ATP2B2: variants seen among roughly 807,000 people sequenced by gnomAD.
ATP2B2 encodes ATPase plasma membrane Ca2+ transporting 2, also known as plasma membrane calcium-transporting ATPase 2.
Under a neutral mutation model 120.0 loss-of-function variants are expected in ATP2B2, and 15 were observed. That is an observed-to-expected ratio of 0.12 (90% CI 0.08 to 0.19). The LOEUF is 0.19. Ranked by LOEUF, ATP2B2 falls within the 10% of genes least tolerant of loss-of-function variation. ATP2B2 has a pLI of 1.00. For missense variants in ATP2B2, 1,045 were observed against 1,719.8 expected (o/e 0.61, Z 6.94); for synonymous variants, 694 against 700.3 (o/e 0.99, Z 0.14).
chr3:10,423,935 T>G (rs1464949044), intron 2 of ATP2B2, among the ~76,000 whole-genome samples: 1 of 152,146 alleles, frequency 6.6e-6, no homozygotes, highest in Non-Finnish European at 1.5e-5. Context: ...AGAGCCTGGG[T>G]GGAATATCCC....
intron 1 of ATP2B2, among the ~76,000 whole-genome samples, chr3:10,633,759 G>A (rs1458001582): frequency 6.6e-6 from 1 of 152,170 alleles, no homozygotes; most frequent in Non-Finnish European, 1.5e-5. Context: ...GCACCCTTGG[G>A]CACAAGATCC....
At chr3:10,642,121 A>G (rs1260554208) in intron 1 of ATP2B2, among the ~76,000 whole-genome samples, 2 of 152,144 alleles carry the variant, frequency 1.3e-5, no homozygotes, top group African/African-American at 4.8e-5. Context: ...TGGACTCTGG[A>G]GCAAGACTGC....
At chr3:10,697,352 C>T (rs939748404) in intron 1 of ATP2B2, among the ~76,000 whole-genome samples, 1 of 152,166 alleles carries the variant, frequency 6.6e-6, no homozygotes, top group Non-Finnish European at 1.5e-5. Context: ...GACCTCCTGG[C>T]TGTGTGACTT....
chr3:10,469,614 G>A (rs2064897451), intron 1 of ATP2B2, among the ~76,000 whole-genome samples: 1 of 152,202 alleles, frequency 6.6e-6, no homozygotes. Context: ...CAGGAAGAGG[G>A]TGATGGTGAC....
intron 5 of ATP2B2, chr3:10,394,666 C>T: frequency 2.5e-6 from 1 of 406,038 alleles, no homozygotes; most frequent in South Asian, 1.8e-5. Flanking sequence ...TGGCCTTCTG[C>T]TTGGTGGGGT....
At chr3:10,684,216 G>C (rs1183873638) in intron 1 of ATP2B2, among the ~76,000 whole-genome samples, 1 of 152,200 alleles carries the variant, frequency 6.6e-6, no homozygotes, top group Admixed American at 6.5e-5. Flanking sequence ...GCCCCTTTAT[G>C]GGATCTGTTT....
rs1300485698 is a variant in ATP2B2 at position 10,342,986 on chromosome 3, G to T, written c.2704-21C>A. 1.2e-6 allele frequency: 2 copies of T among 1,610,898 alleles called. No homozygotes were observed. Among genetic ancestry groups the T allele is most frequent in the East Asian group, 4.5e-5 (2 of 44,858 alleles). On this transcript the variant is annotated intron_variant, in intron 18 of 22. Transcript: ENST00000360273. This position sits in a 1 kb window ranked among gnomAD's most constrained non-coding sequence, Gnocchi z 4.4. ...GAGTCCTGGGGACGGGCAGGAGAGG[G>T]CTGTCACCTGTGCGCCCACCTGCTG... is the stretch of plus-strand genomic sequence containing the variant.
At chr3:10,454,792 G>A (rs570714022) in intron 1 of ATP2B2, among the ~76,000 whole-genome samples, 31 of 152,272 alleles carry the variant, frequency 2.0e-4, no homozygotes, top group Middle Eastern at 3.4e-3. Context: ...GATGTGCCAT[G>A]TGTCTGTTCA....
chr3:10,536,948 T>G (rs1489970062), intron 2 of ATP2B2, among the ~76,000 whole-genome samples: 1 of 152,232 alleles, frequency 6.6e-6, no homozygotes, highest in East Asian at 1.9e-4. Context: ...ATTTTCATTA[T>G]TTTTTCCTAC....
intron 1 of ATP2B2, chr3:10,626,589 ATGGATGGATGGATGGATGGG>A (rs2069706890): frequency 6.6e-6 from 1 of 151,140 alleles, no homozygotes; most frequent in South Asian, 2.1e-4. Context: ...GGATGGATGG[ATGGATGGATGGATGGATGGG>A]TGGATGGATG....
rs1575357600 is a variant in ATP2B2 at position 10,479,818 on chromosome 3, G to C, written c.-320+25647C>G. Among the ~76,000 whole-genome samples the C allele has an allele frequency of 2.6e-5, 4 of 152,178 alleles. No individual in the cohort carries two copies. The South Asian group carries it at 8.3e-4, about 32-fold the overall frequency. ...TTGAATAAAAAGCCTAATTCTGGCTGGGCTTGGTGGCTCATGCCTGTAATC... is the reference window on the plus strand; with the variant it reads ...TTGAATAAAAAGCCTAATTCTGGCTCGGCTTGGTGGCTCATGCCTGTAATC... On this transcript the variant is annotated intron_variant, in intron 1 of 22. Transcript: ENST00000360273.
At chr3:10,407,519 C>T (rs1402093968) in intron 3 of ATP2B2, among the ~76,000 whole-genome samples, 2 of 152,156 alleles carry the variant, frequency 1.3e-5, no homozygotes, top group African/African-American at 2.4e-5. Flanking sequence ...CAGGGCTGCC[C>T]GCCCTCTCAG....
At chr3:10,641,705 A>G (rs547176490) in intron 1 of ATP2B2, among the ~76,000 whole-genome samples, 60 of 152,126 alleles carry the variant, frequency 3.9e-4, no homozygotes, top group Middle Eastern at 6.8e-3. Flanking sequence ...TGGGAGGGAG[A>G]TGTGCTGTGA....
chr3:10,409,784 T>C (rs1167470995), intron 3 of ATP2B2, among the ~76,000 whole-genome samples: 2 of 152,222 alleles, frequency 1.3e-5, no homozygotes, highest in East Asian at 1.9e-4. Flanking sequence ...TTATTTCTTA[T>C]GTGCTATTAA....
chr3:10,657,964 G>A (rs1000240413), intron 1 of ATP2B2, among the ~76,000 whole-genome samples: 8 of 152,210 alleles, frequency 5.3e-5, no homozygotes, highest in Non-Finnish European at 1.0e-4. Context: ...TGCAGCCTCT[G>A]CTGGTGATAC....
intron 10 of ATP2B2, 63 bp downstream of exon 10, chr3:10,378,189 G>A (rs2061431348): frequency 1.3e-6 from 2 of 1,578,170 alleles, no homozygotes; most frequent in Non-Finnish European, 1.7e-6. Flanking sequence ...CGAGCATGGG[G>A]CAGGGCTCTG....
At chr3:10,378,144 C>T (rs2061429897) in intron 10 of ATP2B2, 108 bp downstream of exon 10, 4 of 1,454,062 alleles carry the variant, frequency 2.8e-6, no homozygotes, top group Non-Finnish European at 3.7e-6. Context: ...GGCACTCATT[C>T]AAGCCCCCCA....
At chr3:10,532,449 T>C (rs533354105) in intron 3 of ATP2B2, among the ~76,000 whole-genome samples, 1 of 152,172 alleles carries the variant, frequency 6.6e-6, no homozygotes, top group Non-Finnish European at 1.5e-5. Flanking sequence ...TTTCCACTGA[T>C]GGGCATGGGA....
intron 1 of ATP2B2, among the ~76,000 whole-genome samples, chr3:10,633,080 C>G (rs2069914282): frequency 6.6e-6 from 1 of 152,226 alleles, no homozygotes; most frequent in Non-Finnish European, 1.5e-5. Context: ...TGGCTGGGAA[C>G]AGGGGCCCTG....
Sources: gnomAD v4.1 joint callset for allele counts (sites outside exome capture counted in the v4.1 genomes callset) on GRCh38, gnomAD v4.1.1 for gene constraint, Gnocchi (gnomAD v3.1) non-coding constraint, MANE v1.5 for transcripts, NCBI Gene and HGNC (gene_info 2026-07-23, HGNC 2026-07-21) for gene names.